AHNAK2: variants seen among roughly 807,000 people sequenced by gnomAD.
AHNAK2 encodes the protein protein AHNAK2.
A neutral mutation model predicts 30.7 loss-of-function variants in AHNAK2; 18 were observed. The observed-to-expected ratio is 0.59, with a 90% CI of 0.41 to 0.87. The LOEUF is 0.87. Ranked by LOEUF, AHNAK2 falls within the 40% of genes least tolerant of loss-of-function variation. The pLI, the probability that AHNAK2 is intolerant of heterozygous loss-of-function variation, is 0.00. For missense variants in AHNAK2, 8,604 were observed against 7,373.0 expected, an observed-to-expected ratio of 1.17 and a Z score of -6.11; for synonymous variants, 3,590 against 3,073.8, an observed-to-expected ratio of 1.17 and a Z score of -5.56.
In AHNAK2 at chr14:104,941,461, T is replaced by C. The variant is rs4465542; in HGVS notation, c.13990A>G (p.Thr4664Ala). The C allele has an allele frequency of 0.54, 874,107 of 1,611,784 alleles. 239,845 individuals carry two copies. The highest frequency in any genetic ancestry group is 0.67 in the Middle Eastern group (4,070 of 6,060). ...ACAACAGATTCCACAATGGGAAATG[T>C]GGAAGTCTTCTCATGGAATGTAACA... is the stretch of plus-strand genomic sequence containing the variant. ...GNVTFHEKTS[T>A]FPIVESVVHE... is the part of the protein sequence containing the mutation. The change falls in exon 7 of 7, where the codon ACA (threonine) becomes GCA (alanine). Residue 4664 changes from threonine to alanine, a missense_variant. Coordinates refer to ENST00000333244, the MANE Select transcript of AHNAK2 (RefSeq NM_138420.4).
chr14:104,942,668 CAG>C lies in AHNAK2; in HGVS notation c.12781_12782del (p.Leu4261AlafsTer22), dbSNP rs1391065140. 6.2e-7 allele frequency: 1 copy of C among 1,613,368 alleles called. No individual in the cohort carries two copies. Among genetic ancestry groups the C allele is most frequent in the South Asian group, 1.1e-5 (1 of 91,064 alleles). ...DVMTPVVEVS[L>X]PSMEVDVEAP... ...CCTCGACGTCCACCTCCATGCTGGG[CAG>C]AGACACCTCCACGACGGGGGTCATC... On this transcript the variant is annotated frameshift_variant, in exon 7 of 7. Coordinates refer to ENST00000333244, the MANE Select transcript of AHNAK2 (RefSeq NM_138420.4). LOFTEE classifies it low-confidence loss of function (END_TRUNC).
At position 104,948,212 on chromosome 14, in the gene AHNAK2, T is replaced by C. The variant is rs772503574; in HGVS notation, c.7239A>G (p.Lys2413=). The change falls in exon 7 of 7, where the codon AAA becomes AAG. Residue 2413 remains lysine (K), a synonymous_variant. Coordinates refer to ENST00000333244, the MANE Select transcript of AHNAK2 (RefSeq NM_138420.4). ...CTATCTGGGGGCCCTTGAGATCTAC[T>C]TTGGGCATCTTGAAACTGGGCATCT... ...KLQMPSFKMP[K]VDLKGPQIDV... 6.2e-7 allele frequency: 1 copy of C among 1,612,336 alleles called. No individual in the cohort carries two copies. The highest frequency in any genetic ancestry group is 8.5e-7 in the Non-Finnish European group (1 of 1,179,494).
rs1397210388 is a variant in AHNAK2, at chr14:104,950,940, C to G, written c.4511G>C (p.Gly1504Ala). The G allele has an allele frequency of 6.5e-7, 1 of 1,537,826 alleles. No homozygotes were observed. The highest frequency in any genetic ancestry group is 1.4e-5 in the African/African-American group (1 of 71,108). ...GATGGACTTGCCTGGGGCAGACACCCCGAACGACGGCATCTTGAACTTGGG... is the reference window on the plus strand; with the variant it reads ...GATGGACTTGCCTGGGGCAGACACCGCGAACGACGGCATCTTGAACTTGGG... ...KMPKFKMPSFGVSAPGKSIEA... is the reference protein window; with the variant it reads ...KMPKFKMPSFAVSAPGKSIEA... Residue 1504 changes from glycine (G) to alanine (A), a missense_variant, in exon 7 of 7, where the codon GGG (glycine) becomes GCG (alanine). Transcript: ENST00000333244.
At chr14:104,974,725 G>A (rs375831506) in intron 1 of AHNAK2, among the ~76,000 whole-genome samples, 42 of 152,314 alleles carry the variant, frequency 2.8e-4, no homozygotes, top group East Asian at 9.6e-4. Flanking sequence ...TGAACAGGCC[G>A]CCAGACAGAC....
At position 104,954,974 on chromosome 14, in the gene AHNAK2, G is replaced by T. The variant is rs749818567; in HGVS notation, c.634C>A (p.Gln212Lys). The change falls in exon 6 of 7, where the codon CAG becomes AAG. Residue 212 changes from glutamine (Q) to lysine (K), a missense_variant. Coordinates refer to ENST00000333244, the MANE Select transcript of AHNAK2 (RefSeq NM_138420.4). The surrounding 1 kb of genome is among the most constrained non-coding windows in gnomAD (Gnocchi z 4.3). The stretch of plus-strand genomic sequence containing the variant: ...GGTCTCACCTCCTTCTCCTTGCCCT[G>T]TGGGCCGTGCTGGGCATCGCTGGAA... ...WASSDAQHGP[Q>K]GKEKEDTDVA... is the part of the protein sequence containing the mutation. 2.2e-5 allele frequency: 35 copies of T among 1,612,920 alleles called. No homozygotes were observed. Among genetic ancestry groups the T allele is most frequent in the Non-Finnish European group, 9.3e-6 (11 of 1,179,726 alleles).
Position 104,940,035 on chromosome 14 carries a change from C to T in AHNAK2, c.15416G>A (p.Gly5139Glu), listed in dbSNP as rs61421370. 0.46 allele frequency: 741,068 copies of T among 1,612,494 alleles called. 178,553 individuals carry two copies. The highest frequency in any genetic ancestry group is 0.58 in the Middle Eastern group (3,505 of 6,056). Residue 5139 changes from glycine (G) to glutamate (E), a missense_variant, in exon 7 of 7, where the codon GGG becomes GAG. Transcript: ENST00000333244. This position sits in a 1 kb window ranked among gnomAD's most constrained non-coding sequence, Gnocchi z 4.4. Reference sequence around the variant, plus strand: ...ACAAGGCTGGCTCACTGGGACATCCCCGAGCCCACATCCTCTGCTGTCACC... The same window carrying T: ...ACAAGGCTGGCTCACTGGGACATCCTCGAGCCCACATCCTCTGCTGTCACC... ...TEGDSRGCGL[G>E]DVPVSQPCGE...
rs568617409 is a variant in AHNAK2, at chr14:104,948,070, C to T, written c.7381G>A (p.Asp2461Asn). ...AGGTCCCCCTCCAGCCACGCACCATCCAGCTTGGCTCCCGGGGCCTCGACA... is the reference window on the plus strand; with the variant it reads ...AGGTCCCCCTCCAGCCACGCACCATTCAGCTTGGCTCCCGGGGCCTCGACA... The part of the protein sequence containing the change: ...VDVEAPGAKL[D>N]GAWLEGDLSV... Residue 2461 changes from aspartate to asparagine, a missense_variant, in exon 7 of 7, where the codon GAT (aspartate) becomes AAT (asparagine). Transcript: ENST00000333244. The T allele has an allele frequency of 3.1e-6, 5 of 1,613,104 alleles. No individual in the cohort carries two copies. In the East Asian group the frequency reaches 8.9e-5, roughly 29 times the overall value.
Position 104,946,562 on chromosome 14 carries a change from G to A in AHNAK2, c.8889C>T (p.Asp2963=), listed in dbSNP as rs1259355257. The A allele has an allele frequency of 4.3e-6, 7 of 1,612,594 alleles. No homozygotes were observed. In the Admixed American group the frequency reaches 1.0e-4, roughly 23 times the overall value. ...TCACATCCTTGTCGGCCAGGGACAG[G>A]TCACCCTCCAGCCGTGCACCATCCA... ...AKLDGARLEG[D]LSLADKDVTA... The change falls in exon 7 of 7, where the codon GAC becomes GAT. Residue 2963 remains aspartate, a synonymous_variant. Coordinates refer to ENST00000333244, the MANE Select transcript of AHNAK2 (RefSeq NM_138420.4).
At position 104,944,562 on chromosome 14, in the gene AHNAK2, T is replaced by A. The variant is rs1206137632; in HGVS notation, c.10889A>T (p.Asp3630Val). Residue 3630 changes from aspartate to valine, a missense_variant, in exon 7 of 7, where the codon GAC (aspartate) becomes GTC (valine). By Grantham distance (152) the Asp-to-Val change is radical. Transcript: ENST00000333244. ...LEGDLSLADK[D>V]VTAKDSKFKM... is the part of the protein sequence containing the mutation. ...GAACTTGCTGTCTTTGGCAGTCACG[T>A]CCTTGTCAGCCAGGGACAGGTCTCC... 1 of 1,613,144 alleles carries A rather than the reference T, an allele frequency of 6.2e-7. No individual in the cohort carries two copies. Among genetic ancestry groups the A allele is most frequent in the Admixed American group, 1.7e-5 (1 of 59,940 alleles).
In AHNAK2 at chr14:104,951,876, T is replaced by G. The variant is rs760978146; in HGVS notation, c.3575A>C (p.Lys1192Thr). Reference protein sequence around the residue: ...IEASVDVSAPKVEADVSLPSM... With the variant: ...IEASVDVSAPTVEADVSLPSM... ...GGGGAGACTCACGTCGGCCTCCACT[T>G]TGGGTGCAGACACATCCACCGAGGC... Residue 1192 changes from lysine to threonine, a missense_variant, in exon 7 of 7, where the codon AAA (lysine) becomes ACA (threonine). By Grantham distance (78) the Lys-to-Thr change is moderately conservative. Coordinates refer to ENST00000333244, the MANE Select transcript of AHNAK2 (RefSeq NM_138420.4). 4 of 1,608,606 alleles carry G rather than the reference T, an allele frequency of 2.5e-6. No homozygotes were observed. The African/African-American group carries it at 4.1e-5, about 16-fold the overall frequency.
chr14:104,961,531 G>A (rs1899149021), intron 1 of AHNAK2, among the ~76,000 whole-genome samples: 1 of 151,002 alleles, frequency 6.6e-6, no homozygotes, highest in Non-Finnish European at 1.5e-5. Context: ...AAAAAAAGTT[G>A]CTGTTGTGAA....
rs532997682 is a variant in AHNAK2, at chr14:104,937,364, G to C, written c.*699C>G. 1 of 152,314 alleles carries C rather than the reference G, an allele frequency of 6.6e-6. No individual in the cohort carries two copies. The highest frequency in any genetic ancestry group is 1.5e-5 in the Non-Finnish European group (1 of 68,110). The allele number at this position is 152,314 out of a possible 1,614,324, so 9.4% of individuals were successfully genotyped here. A position where few individuals can be genotyped will look rare whatever the true frequency, so the allele number is the denominator to read the frequency against. ...GACTCAGGGGCCACAGTGTGGGACC[G>C]TGCACACTGGCAAGGCACTGGCGGA... On this transcript the variant is annotated 3_prime_UTR_variant, in exon 7 of 7. Transcript: ENST00000333244.
rs374994507 is a variant in AHNAK2, at chr14:104,951,904, C to G, written c.3547G>C (p.Glu1183Gln). The change falls in exon 7 of 7, where the codon GAG (glutamate) becomes CAG (glutamine). Residue 1183 changes from glutamate to glutamine, a missense_variant. Glu to Gln is a conservative substitution (Grantham distance 29, BLOSUM62 2). Transcript: ENST00000333244. ...GGTGCAGACACATCCACCGAGGCCT[C>G]GATGGACTTGCCTGGGGCTGACGCC... is the stretch of plus-strand genomic sequence containing the variant. ...FGASAPGKSI[E>Q]ASVDVSAPKV... 120 of 1,608,746 alleles carry G rather than the reference C, an allele frequency of 7.5e-5. 1 individual carries two copies. In the African/African-American group the frequency reaches 9.9e-4, roughly 13 times the overall value.
chr14:104,943,461 T>C lies in AHNAK2; in HGVS notation c.11990A>G (p.Lys3997Arg), dbSNP rs748901759. The C allele has an allele frequency of 6.8e-6, 11 of 1,613,136 alleles. No homozygotes were observed. The highest frequency in any genetic ancestry group is 9.3e-6 in the Non-Finnish European group (11 of 1,179,596). Reference protein sequence around the residue: ...MEASVDVTAPKVEADVSLPSM... With the variant: ...MEASVDVTAPRVEADVSLPSM... ...AGGGAGGCTCACGTCGGCCTCCACC[T>C]TTGGCGCGGTCACATCCACTGATGC... Residue 3997 changes from lysine to arginine, a missense_variant, in exon 7 of 7, where the codon AAG becomes AGG. Transcript: ENST00000333244.
rs1897945366 is a variant in AHNAK2, at chr14:104,940,477, T to G, written c.14974A>C (p.Lys4992Gln). The G allele has an allele frequency of 6.2e-7, 1 of 1,613,724 alleles. No individual in the cohort carries two copies. The stretch of plus-strand genomic sequence containing the variant: ...GCAGACTGCGGGGCCACTTCATCCT[T>G]GTCTAAAACCAGGCTGAGTTTTGAG... The part of the protein sequence containing the change: ...EDSKLSLVLD[K>Q]DEVAPQSAIH... Residue 4992 changes from lysine to glutamine, a missense_variant, in exon 7 of 7, where the codon AAG becomes CAG. Coordinates refer to ENST00000333244, the MANE Select transcript of AHNAK2 (RefSeq NM_138420.4). This position sits in a 1 kb window ranked among gnomAD's most constrained non-coding sequence, Gnocchi z 4.4.
rs1389740439 is a variant in AHNAK2, at chr14:104,948,069, T to A, written c.7382A>T (p.Asp2461Val). ...CAGGTCCCCCTCCAGCCACGCACCA[T>A]CCAGCTTGGCTCCCGGGGCCTCGAC... Reference protein sequence around the residue: ...VDVEAPGAKLDGAWLEGDLSV... With the variant: ...VDVEAPGAKLVGAWLEGDLSV... The change falls in exon 7 of 7, where the codon GAT becomes GTT. Residue 2461 changes from aspartate (D) to valine (V), a missense_variant. Transcript: ENST00000333244. 1.2e-6 allele frequency: 2 copies of A among 1,612,790 alleles called. No individual in the cohort carries two copies. The highest frequency in any genetic ancestry group is 1.7e-6 in the Non-Finnish European group (2 of 1,179,640).
chr14:104,953,636 G>A lies in AHNAK2; in HGVS notation c.1815C>T (p.Ala605=), dbSNP rs765058209. 6.2e-7 allele frequency: 1 copy of A among 1,613,824 alleles called. No homozygotes were observed. Among genetic ancestry groups the A allele is most frequent in the East Asian group, 2.2e-5 (1 of 44,862 alleles). ...SKHTKTGREK[A]TEDTEQGREG... ...CCCTTCCCTGCTCTGTGTCTTCTGT[G>A]GCTTTTTCTCTGCCTGTCTTTGTGT... The change falls in exon 7 of 7, where the codon GCC becomes GCT. Residue 605 remains alanine, a synonymous_variant. Transcript: ENST00000333244.
In AHNAK2 at chr14:104,945,332, G is replaced by A. The variant is rs374986732; in HGVS notation, c.10119C>T (p.Asp3373=). 49 of 1,612,138 alleles carry A rather than the reference G, an allele frequency of 3.0e-5. 1 individual carries two copies. Among genetic ancestry groups the A allele is most frequent in the African/African-American group, 2.8e-4 (21 of 74,376 alleles). Reference sequence around the variant, plus strand: ...GCACGTGGCCCTCCGGGAGCTTCACGTCCACCTGGCCAGCCTGGACCTCCA... The same window carrying A: ...GCACGTGGCCCTCCGGGAGCTTCACATCCACCTGGCCAGCCTGGACCTCCA... ...VDLEVQAGQV[D]VKLPEGHVPE... Residue 3373 remains aspartate, a synonymous_variant, in exon 7 of 7, where the codon GAC becomes GAT. Transcript: ENST00000333244.
chr14:104,944,564 C>T lies in AHNAK2; in HGVS notation c.10887G>A (p.Lys3629=). 6.2e-7 allele frequency: 1 copy of T among 1,613,216 alleles called. No homozygotes were observed. The highest frequency in any genetic ancestry group is 1.7e-4 in the Middle Eastern group (1 of 6,054). Residue 3629 remains lysine (K), a synonymous_variant, in exon 7 of 7, where the codon AAG becomes AAA. Transcript: ENST00000333244. ...RLEGDLSLAD[K]DVTAKDSKFK... ...ACTTGCTGTCTTTGGCAGTCACGTC[C>T]TTGTCAGCCAGGGACAGGTCTCCCT...
Sources: gnomAD v4.1 joint callset for allele counts (sites outside exome capture counted in the v4.1 genomes callset) on GRCh38, gnomAD v4.1.1 for gene constraint, Gnocchi (gnomAD v3.1) non-coding constraint, MANE v1.5 for transcripts, NCBI Gene and HGNC (gene_info 2026-07-23, HGNC 2026-07-21) for gene names.